The following DNHD1 variants were observed in gnomAD, a reference collection of about 807,000 sequenced individuals.
DNHD1 encodes dynein heavy chain domain-containing protein 1.
In DNHD1, 383 loss-of-function variants were observed where a neutral mutation model predicts 458.1. The ratio of observed to expected loss-of-function variants is 0.84; its 90% CI spans 0.77 to 0.91. The LOEUF (loss-of-function observed/expected upper bound fraction) is 0.91, where lower values mean the gene tolerates loss of function less well. Among genes scored for constraint, DNHD1 ranks in the 40% least tolerant of loss-of-function variants. DNHD1 has a pLI of 0.00. For synonymous variants in DNHD1, 2,203 were observed against 2,376.9 expected (o/e 0.93, Z 2.13); for missense variants, 5,336 against 5,866.1 (o/e 0.91, Z 2.95).
Position 6,547,910 on chromosome 11 carries a change from A to G in DNHD1, c.6775A>G (p.Lys2259Glu). ...DPVAQSFRSS[K>E]SSFLNRSQVD... ...TGTGGCCCAAAGCTTCAGGTCTTCA[A>G]AAAGCAGCTTTCTAAACCGGTCCCA... is the stretch of plus-strand genomic sequence containing the variant. The change falls in exon 22 of 43, where the codon AAA (lysine) becomes GAA (glutamate). Residue 2259 changes from lysine to glutamate, a missense_variant. Lys to Glu is a moderately conservative substitution (Grantham distance 56, BLOSUM62 1). Coordinates refer to ENST00000254579, the MANE Select transcript of DNHD1 (RefSeq NM_144666.3). The G allele has an allele frequency of 6.4e-7, 1 of 1,551,882 alleles. No individual in the cohort carries two copies.
At position 6,533,148 on chromosome 11, in the gene DNHD1, C is replaced by T. The variant is rs1240098047; in HGVS notation, c.2469C>T (p.Asn823=). Residue 823 remains asparagine, a synonymous_variant, in exon 13 of 43, where the codon AAC becomes AAT. Transcript: ENST00000254579. The part of the protein sequence containing the change: ...TDFMHIFRTI[N]SDIHAIAQCT... ...TCATGCATATCTTCCGAACCATCAA[C>T]TCAGATATTCATGCCATTGCACAGT... 6.4e-7 allele frequency: 1 copy of T among 1,551,572 alleles called. No homozygotes were observed. The highest frequency in any genetic ancestry group is 8.7e-7 in the Non-Finnish European group (1 of 1,146,986).
In DNHD1 at chr11:6,571,170, G is replaced by A. The variant is rs764627952; in HGVS notation, c.13658G>A (p.Arg4553Gln). Reference protein sequence around the residue: ...AGPQPPWHWLRQLSRRGQLLV... With the variant: ...AGPQPPWHWLQQLSRRGQLLV... ...CCGCAGCCGCCCTGGCACTGGCTGC[G>A]ACAGTTGTCGCGCCGTGGGCAACTG... Residue 4553 changes from arginine to glutamine, a missense_variant, in exon 42 of 43, where the codon CGA (arginine) becomes CAA (glutamine). This residue lies in a region of DNHD1 where 698 missense variants were observed against 664.9 expected (regional missense o/e 1.05). Coordinates refer to ENST00000254579, the MANE Select transcript of DNHD1 (RefSeq NM_144666.3). The surrounding 1 kb of genome is among the most constrained non-coding windows in gnomAD (Gnocchi z 5.0). 16 of 1,604,168 alleles carry A rather than the reference G, an allele frequency of 1.0e-5. No homozygotes were observed. The highest frequency in any genetic ancestry group is 4.5e-5 in the East Asian group (2 of 44,686).
chr11:6,513,527 G>A (rs759428293), intron 7 of DNHD1, among the ~76,000 whole-genome samples: 2 of 152,180 alleles, frequency 1.3e-5, no homozygotes, highest in Non-Finnish European at 2.9e-5. Flanking sequence ...TATCCGTAAT[G>A]TTCTAGGTAG....
chr11:6,541,631 A>G (rs1853099812), intron 18 of DNHD1, among the ~76,000 whole-genome samples: 1 of 152,226 alleles, frequency 6.6e-6, no homozygotes, highest in Non-Finnish European at 1.5e-5. Context: ...GGATCAGATC[A>G]TGCAAAGTCT....
At chr11:6,520,202 C>T in intron 9 of DNHD1, 36 bp from the exon 10 acceptor site, 4 of 1,577,540 alleles carry the variant, frequency 2.5e-6, no homozygotes, top group Non-Finnish European at 3.4e-6. Context: ...TCATTGCTTT[C>T]CCATTTCTGC....
chr11:6,515,185 A>T (rs1175976110), intron 7 of DNHD1, among the ~76,000 whole-genome samples: 2 of 152,188 alleles, frequency 1.3e-5, no homozygotes, highest in African/African-American at 4.8e-5. Flanking sequence ...AGACACATTC[A>T]AATCATTCAA....
Position 6,520,089 on chromosome 11 carries a change from C to G in DNHD1, c.1772C>G (p.Thr591Ser). The part of the protein sequence containing the change: ...TLTGGLQSVK[T>S]SALQVVQSAD... Reference sequence around the variant, plus strand: ...ACTGGAGGCCTACAGTCTGTCAAGACCTCTGCCTTGCAGGTATTCTGAATT... The same window carrying G: ...ACTGGAGGCCTACAGTCTGTCAAGAGCTCTGCCTTGCAGGTATTCTGAATT... Residue 591 changes from threonine (T) to serine (S), a missense_variant, in exon 9 of 43, where the codon ACC becomes AGC. Around this residue, in one of 4 missense-constraint regions of DNHD1, gnomAD observed 3,932 missense variants for 4,365.6 expected, o/e 0.90. Transcript: ENST00000254579. 6.2e-7 allele frequency: 1 copy of G among 1,614,194 alleles called. No homozygotes were observed. The highest frequency in any genetic ancestry group is 8.5e-7 in the Non-Finnish European group (1 of 1,180,032).
chr11:6,566,776 G>C lies in DNHD1; in HGVS notation c.11385+11G>C. On this transcript the variant is annotated intron_variant, in intron 35 of 42. Transcript: ENST00000254579. Reference sequence around the variant, plus strand: ...GTGGAGGCTGCTGAGGTGCTTGGGGGCTCAGTCTGTGGGTTGAGATGAGCA... The same window carrying C: ...GTGGAGGCTGCTGAGGTGCTTGGGGCCTCAGTCTGTGGGTTGAGATGAGCA... The C allele has an allele frequency of 6.2e-7, 1 of 1,607,246 alleles. No individual in the cohort carries two copies. Among genetic ancestry groups the C allele is most frequent in the Non-Finnish European group, 8.5e-7 (1 of 1,176,706 alleles).
Position 6,570,906 on chromosome 11 carries a change from A to G in DNHD1, c.13394A>G (p.Glu4465Gly). 6.2e-7 allele frequency: 1 copy of G among 1,613,506 alleles called. No homozygotes were observed. The highest frequency in any genetic ancestry group is 8.5e-7 in the Non-Finnish European group (1 of 1,179,442). ...CTGACCCACGTGATTCGCCAAGACG[A>G]GTCCGACGCCCCGTGGTCAGTGCTG... ...DLLTHVIRQD[E>G]SDAPWSVLGP... The change falls in exon 42 of 43, where the codon GAG becomes GGG. Residue 4465 changes from glutamate to glycine, a missense_variant. By Grantham distance (98) the Glu-to-Gly change is moderately conservative. Transcript: ENST00000254579.
At chr11:6,556,644 CTT>C (rs754594134) in intron 24 of DNHD1, 37 bp from the exon 25 acceptor site, 1 of 1,495,128 alleles carries the variant, frequency 6.7e-7, no homozygotes, top group South Asian at 1.3e-5. Flanking sequence ...CTCATGTGGA[CTT>C]TTACATGTCC....
In DNHD1 at chr11:6,534,065, A is replaced by C; in HGVS notation, c.2890A>C (p.Thr964Pro). The C allele has an allele frequency of 6.4e-7, 1 of 1,551,574 alleles. No homozygotes were observed. The highest frequency in any genetic ancestry group is 8.7e-7 in the Non-Finnish European group (1 of 1,146,960). ...KALSGPFMDP[T>P]QDQRSTEHQL... ...CCTCTCCGGTCCCTTTATGGACCCC[A>C]CACAAGATCAGAGGAGTACTGAGCA... The change falls in exon 14 of 43, where the codon ACA becomes CCA. Residue 964 changes from threonine (T) to proline (P), a missense_variant. Around this residue, in one of 4 missense-constraint regions of DNHD1, gnomAD observed 3,932 missense variants for 4,365.6 expected, o/e 0.90. Transcript: ENST00000254579.
intron 34 of DNHD1, 66 bp from the exon 35 acceptor site, chr11:6,566,516 TACTCC>T (rs59563416): frequency 0.024 from 37,913 of 1,570,760 alleles, 1,447 homozygotes; most frequent in African/African-American, 0.17. Flanking sequence ...CAGGGAGCCA[TACTCC>T]CTGTCTACTC....
Position 6,568,880 on chromosome 11 carries a change from AC to A in DNHD1, c.12863+17del. On this transcript the variant is annotated intron_variant, in intron 39 of 42. Transcript: ENST00000254579. ...CAGGGGGCGCTGGTGAGGGACCCCC[AC>A]CCATTCCTGCTCAGTCAATCACTCA... 6.3e-7 allele frequency: 1 copy of A among 1,597,572 alleles called. No individual in the cohort carries two copies. The highest frequency in any genetic ancestry group is 8.5e-7 in the Non-Finnish European group (1 of 1,172,378).
At position 6,567,163 on chromosome 11, in the gene DNHD1, C is replaced by T; in HGVS notation, c.11654C>T (p.Thr3885Ile). 6.2e-7 allele frequency: 1 copy of T among 1,614,046 alleles called. No homozygotes were observed. The highest frequency in any genetic ancestry group is 8.5e-7 in the Non-Finnish European group (1 of 1,179,904). Residue 3885 changes from threonine (T) to isoleucine (I), a missense_variant, in exon 36 of 43, where the codon ACT (threonine) becomes ATT (isoleucine). Around this residue, in one of 4 missense-constraint regions of DNHD1, gnomAD observed 695 missense variants for 804.2 expected, o/e 0.86. Transcript: ENST00000254579. ...AGCCCAGAGAACTGGCTGGCAGTCACTAAGCAGGCTCTGGACAGCATGAAG... is the reference window on the plus strand; with the variant it reads ...AGCCCAGAGAACTGGCTGGCAGTCATTAAGCAGGCTCTGGACAGCATGAAG... ...CMSPENWLAV[T>I]KQALDSMKPR...
chr11:6,539,367 T>A, intron 17 of DNHD1, 54 bp downstream of exon 17: 1 of 1,345,732 alleles, frequency 7.4e-7, no homozygotes, highest in African/African-American at 1.4e-5. Flanking sequence ...GGACCTGTAA[T>A]AAAGCCAGTC....
intron 18 of DNHD1, among the ~76,000 whole-genome samples, chr11:6,543,722 G>A (rs1853147028): frequency 6.6e-6 from 1 of 152,064 alleles, no homozygotes; most frequent in African/African-American, 2.4e-5. Context: ...CACTTTGGGA[G>A]GCTGAGGTGG....
chr11:6,528,835 T>C (rs920018084), intron 11 of DNHD1, 43 bp from the exon 12 acceptor site: 27 of 1,550,024 alleles, frequency 1.7e-5, no homozygotes, highest in Non-Finnish European at 2.6e-6. Context: ...CAATTCCCAT[T>C]ATAGCCGCAT....
chr11:6,567,355 C>T lies in DNHD1; in HGVS notation c.11846C>T (p.Ala3949Val), dbSNP rs761590059. The T allele has an allele frequency of 8.7e-6, 14 of 1,613,954 alleles. No homozygotes were observed. The highest frequency in any genetic ancestry group is 1.3e-5 in the African/African-American group (1 of 74,956). ...ALALLQATGKASELERLALWP... is the reference protein window; with the variant it reads ...ALALLQATGKVSELERLALWP... The stretch of plus-strand genomic sequence containing the variant: ...GCTCTGCTGCAAGCAACAGGGAAAG[C>T]ATCAGAGCTGGAAAGACTGGCACTC... The change falls in exon 36 of 43, where the codon GCA becomes GTA. Residue 3949 changes from alanine (A) to valine (V), a missense_variant. Around this residue, in one of 4 missense-constraint regions of DNHD1, gnomAD observed 695 missense variants for 804.2 expected, o/e 0.86. Transcript: ENST00000254579.
intron 12 of DNHD1, among the ~76,000 whole-genome samples, chr11:6,531,026 A>G (rs541030879): frequency 6.6e-6 from 1 of 152,332 alleles, no homozygotes; most frequent in Non-Finnish European, 1.5e-5. Context: ...TGGGCATGAT[A>G]ACACAGTCAC....
Sources: allele counts gnomAD v4.1 joint callset (sites outside exome capture counted in the v4.1 genomes callset), GRCh38; gene constraint gnomAD v4.1.1; regional missense constraint gnomAD v4.1.1; non-coding constraint Gnocchi (gnomAD v3.1); transcripts MANE v1.5; gene names NCBI Gene and HGNC (gene_info 2026-07-23, HGNC 2026-07-21).